The following CFAP161 variants were observed in gnomAD, a reference collection of about 807,000 sequenced individuals.
CFAP161 encodes the protein cilia- and flagella-associated protein 161.
A neutral mutation model predicts 29.0 loss-of-function variants in CFAP161; 25 were observed. The ratio of observed to expected loss-of-function variants is 0.86; its 90% confidence interval spans 0.63 to 1.20. The LOEUF (loss-of-function observed/expected upper bound fraction) is 1.20, where lower values mean the gene tolerates loss of function less well. CFAP161 is among the 50% of genes most tolerant of loss of function. The pLI, the probability that CFAP161 is intolerant of heterozygous loss-of-function variation, is 0.00. For missense variants in CFAP161, 367 were observed against 371.9 expected, an observed-to-expected ratio of 0.99 and a Z score of 0.11; for synonymous variants, 116 against 137.4, an observed-to-expected ratio of 0.84 and a Z score of 1.09.
At chr15:81,125,839 T>A (rs1049363081) in intron 1 of CFAP161, among the ~76,000 whole-genome samples, 1 of 152,168 alleles carries the variant, frequency 6.6e-6, no homozygotes, top group African/African-American at 2.4e-5. Context: ...TGAGATAGTA[T>A]AACAACTCAT....
At chr15:81,113,662 A>T (rs2141864439) in intron 1 of CFAP161, among the ~76,000 whole-genome samples, 1 of 152,324 alleles carries the variant, frequency 6.6e-6, no homozygotes, top group South Asian at 2.1e-4. Context: ...TAGGGTAAGG[A>T]GTGAGGAAAG....
chr15:81,134,243 A>T, upstream of CFAP161: 1 of 1,482,834 alleles, frequency 6.7e-7, no homozygotes, highest in Non-Finnish European at 9.2e-7. Flanking sequence ...GACCTTGACC[A>T]ATCGCCTGGG....
intron 1 of CFAP161, chr15:81,118,449 G>T (rs1010983294): frequency 1.1e-5 from 2 of 190,112 alleles, no homozygotes; most frequent in Admixed American, 6.2e-5. Flanking sequence ...CCACCTGAGG[G>T]CACGAAACCC....
chr15:81,113,501 G>A (rs1016527469), intron 1 of CFAP161, among the ~76,000 whole-genome samples: 7 of 152,180 alleles, frequency 4.6e-5, no homozygotes, highest in African/African-American at 1.7e-4. Flanking sequence ...ACTTCTGGCT[G>A]TAAAATCAGG....
At chr15:81,134,967 G>C (rs532590305) in intron 1 of CFAP161, among the ~76,000 whole-genome samples, 2 of 152,332 alleles carry the variant, frequency 1.3e-5, no homozygotes, top group African/African-American at 4.8e-5. Flanking sequence ...TCATCATACG[G>C]TCAAGGGAAA....
At chr15:81,109,865 C>T (rs1894419749) in intron 1 of CFAP161, among the ~76,000 whole-genome samples, 1 of 152,150 alleles carries the variant, frequency 6.6e-6, no homozygotes, top group African/African-American at 2.4e-5. Flanking sequence ...TTCAACATTG[C>T]CTCATCCCTT....
At chr15:81,111,520 G>T (rs1427270085) in intron 1 of CFAP161, among the ~76,000 whole-genome samples, 1 of 152,216 alleles carries the variant, frequency 6.6e-6, no homozygotes, top group African/African-American at 2.4e-5. Flanking sequence ...GCAATGGCCT[G>T]TAGCCCCAGC....
chr15:81,116,495 C>T (rs1218970989), intron 1 of CFAP161, among the ~76,000 whole-genome samples: 4 of 152,168 alleles, frequency 2.6e-5, no homozygotes, highest in African/African-American at 9.7e-5. Flanking sequence ...TGGGGTTTCA[C>T]CATGTTGGTC....
chr15:81,101,690 A>C (rs1894306092), intron 1 of CFAP161, among the ~76,000 whole-genome samples: 1 of 152,006 alleles, frequency 6.6e-6, no homozygotes, highest in Admixed American at 6.6e-5. Context: ...ATGCATTAAC[A>C]CTCAAAGAGC....
upstream of CFAP161, among the ~76,000 whole-genome samples, chr15:81,132,185 G>A (rs1444177171): frequency 1.3e-5 from 2 of 152,194 alleles, no homozygotes; most frequent in Non-Finnish European, 2.9e-5. Flanking sequence ...GCTGAGGCAT[G>A]AGAATTGCTT....
At chr15:81,147,439 A>G (rs1459530402) in intron 5 of CFAP161, among the ~76,000 whole-genome samples, 2 of 151,772 alleles carry the variant, frequency 1.3e-5, no homozygotes, top group African/African-American at 2.4e-5. Context: ...AATAATTGAG[A>G]CTCGCCTCAA....
chr15:81,115,706 G>A (rs546535977), intron 1 of CFAP161, among the ~76,000 whole-genome samples: 1 of 152,046 alleles, frequency 6.6e-6, no homozygotes, highest in Non-Finnish European at 1.5e-5. Flanking sequence ...TTTGAGACAG[G>A]GCTCACTCTG....
At chr15:81,102,004 G>A (rs1236848121) in intron 1 of CFAP161, among the ~76,000 whole-genome samples, 6 of 152,182 alleles carry the variant, frequency 3.9e-5, no homozygotes, top group East Asian at 1.9e-4. Flanking sequence ...ACTTGGAGAC[G>A]GCAAGTACCA....
chr15:81,124,138 C>T (rs867068971), intron 1 of CFAP161, among the ~76,000 whole-genome samples: 5 of 152,158 alleles, frequency 3.3e-5, no homozygotes, highest in Non-Finnish European at 7.4e-5. Context: ...GGAAGGCTTC[C>T]AGTATTCCCC....
upstream of CFAP161, among the ~76,000 whole-genome samples, chr15:81,132,736 G>T (rs1894728614): frequency 6.6e-6 from 1 of 152,102 alleles, no homozygotes; most frequent in Non-Finnish European, 1.5e-5. Flanking sequence ...GAGCTGCTTT[G>T]TTTTATTCTT....
intron 5 of CFAP161, 22 bp downstream of exon 5, chr15:81,143,842 C>T (rs763010940): frequency 1.9e-6 from 3 of 1,605,746 alleles, no homozygotes; most frequent in East Asian, 4.5e-5. Context: ...ATCGGGAAGA[C>T]ATGGGTGTCT....
intron 1 of CFAP161, among the ~76,000 whole-genome samples, chr15:81,107,272 A>G (rs1313170307): frequency 6.6e-6 from 1 of 152,350 alleles, no homozygotes; most frequent in East Asian, 1.9e-4. Context: ...CATCTTACAT[A>G]CATATCCACA....
intron 4 of CFAP161, among the ~76,000 whole-genome samples, chr15:81,139,291 T>G (rs914859946): frequency 2.0e-5 from 3 of 151,832 alleles, no homozygotes; most frequent in Non-Finnish European, 4.4e-5. Context: ...AAAGAGACCC[T>G]GTGTCAAAAA....
intron 5 of CFAP161, 132 bp from the exon 6 acceptor site, chr15:81,147,726 A>G (rs1011349793): frequency 5.5e-6 from 3 of 547,608 alleles, no homozygotes; most frequent in South Asian, 2.9e-5. Context: ...GTGAATATAT[A>G]TAATTTTTTT....
Sources: gnomAD v4.1 joint callset for allele counts (sites outside exome capture counted in the v4.1 genomes callset) on GRCh38, gnomAD v4.1.1 for gene constraint, MANE v1.5 for transcripts, NCBI Gene and HGNC (gene_info 2026-07-23, HGNC 2026-07-21) for gene names.